Variants in NEDD4L observed in about 807,000 individuals in gnomAD.
NEDD4L encodes the protein E3 ubiquitin-protein ligase NEDD4-like.
NEDD4L carries 54 observed loss-of-function variants against 148.9 expected under a neutral mutation model. The ratio of observed to expected loss-of-function variants is 0.36; its 90% CI spans 0.29 to 0.45. The LOEUF is 0.45. Ranked by LOEUF, NEDD4L falls within the 20% of genes least tolerant of loss-of-function variation. NEDD4L has a pLI of 1.00. For missense variants in NEDD4L, 856 were observed against 1,233.8 expected, an observed-to-expected ratio of 0.69 and a Z score of 4.59; for synonymous variants, 433 against 440.7, an observed-to-expected ratio of 0.98 and a Z score of 0.22.
intron 2 of NEDD4L, among the ~76,000 whole-genome samples, chr18:58,175,386 G>T (rs184357877): frequency 3.3e-5 from 5 of 152,354 alleles, no homozygotes; most frequent in Non-Finnish European, 7.3e-5. Context: ...GGTACAGGCC[G>T]GCATTTGGAC....
intron 2 of NEDD4L, among the ~76,000 whole-genome samples, chr18:58,221,966 C>T (rs952190287): frequency 6.6e-6 from 1 of 152,148 alleles, no homozygotes; most frequent in African/African-American, 2.4e-5. Context: ...GAATGATAGG[C>T]AAAGAATGAG....
chr18:58,367,534 T>A (rs527557083), intron 21 of NEDD4L, among the ~76,000 whole-genome samples: 26 of 152,232 alleles, frequency 1.7e-4, no homozygotes, highest in African/African-American at 6.3e-4. Context: ...TCTCTTATGG[T>A]TTAATTGACT....
intron 1 of NEDD4L, among the ~76,000 whole-genome samples, chr18:58,144,809 C>G (rs897446832): frequency 3.3e-5 from 5 of 152,232 alleles, no homozygotes; most frequent in African/African-American, 1.2e-4. Flanking sequence ...GTGTGCCTTG[C>G]TACTGCTATG....
chr18:58,214,400 T>G (rs1026970365), intron 2 of NEDD4L, among the ~76,000 whole-genome samples: 2 of 152,160 alleles, frequency 1.3e-5, no homozygotes, highest in Admixed American at 6.5e-5. Flanking sequence ...AAGAGAGAGA[T>G]AGAAATGTAC....
chr18:58,078,281 T>C (rs2083271461), intron 1 of NEDD4L, among the ~76,000 whole-genome samples: 1 of 152,188 alleles, frequency 6.6e-6, no homozygotes, highest in African/African-American at 2.4e-5. Context: ...TTGAGTGAAT[T>C]TACTTGAAAA....
chr18:58,211,698 C>A (rs769587812), intron 2 of NEDD4L, among the ~76,000 whole-genome samples: 1 of 152,058 alleles, frequency 6.6e-6, no homozygotes, highest in Non-Finnish European at 1.5e-5. Context: ...AAAAGAAAAC[C>A]GGTGAGGGCA....
At chr18:58,167,960 T>G (rs1171454158) in intron 2 of NEDD4L, among the ~76,000 whole-genome samples, 1 of 152,156 alleles carries the variant, frequency 6.6e-6, no homozygotes, top group Non-Finnish European at 1.5e-5. Context: ...TCTAAGCCAG[T>G]TAAGTAGATT....
chr18:58,310,381 C>T (rs2057546459), intron 5 of NEDD4L, among the ~76,000 whole-genome samples: 1 of 152,114 alleles, frequency 6.6e-6, no homozygotes, highest in South Asian at 2.1e-4. Context: ...GTGTGTTTAC[C>T]AAAAAGTACT....
rs189251018 is a variant in NEDD4L at position 58,057,604 on chromosome 18, G to T, written c.48+12896G>T. ...GGGCTTCAGGATTGGTTGTCTTGGG[G>T]TTGAATAGCCACAGGCTTGTTCCAG... On this transcript the variant is annotated intron_variant, in intron 1 of 30. Transcript: ENST00000400345. Among the ~76,000 whole-genome samples, 884 of 152,236 alleles carry T rather than the reference G, an allele frequency of 5.8e-3. 8 individuals carry two copies. Among genetic ancestry groups the T allele is most frequent in the Non-Finnish European group, 9.6e-3 (650 of 68,028 alleles).
chr18:58,128,349 G>C (rs2031505808), intron 1 of NEDD4L, among the ~76,000 whole-genome samples: 1 of 152,116 alleles, frequency 6.6e-6, no homozygotes, highest in East Asian at 1.9e-4. Flanking sequence ...CTTGTGCCTG[G>C]TTGTAAAGTT....
intron 1 of NEDD4L, among the ~76,000 whole-genome samples, chr18:58,154,301 C>A (rs976116484): frequency 6.6e-6 from 1 of 152,066 alleles, no homozygotes; most frequent in African/African-American, 2.4e-5. Flanking sequence ...GGGTAAAATT[C>A]GATTTCAAAG....
At chr18:58,135,804 C>T (rs137964611) in intron 1 of NEDD4L, among the ~76,000 whole-genome samples, 360 of 152,310 alleles carry the variant, frequency 2.4e-3, no homozygotes, top group Non-Finnish European at 3.8e-3. Flanking sequence ...GGAGGAAAGT[C>T]ACAGCTAGAC....
intron 1 of NEDD4L, among the ~76,000 whole-genome samples, chr18:58,164,719 T>C (rs1399265424): frequency 6.6e-6 from 1 of 152,242 alleles, no homozygotes; most frequent in Non-Finnish European, 1.5e-5. Flanking sequence ...TCCGCCTGCC[T>C]CGGCCTCCCA....
At chr18:58,161,080 G>A (rs12458981) in intron 1 of NEDD4L, among the ~76,000 whole-genome samples, 67,778 of 151,288 alleles carry the variant, frequency 0.45, 15,751 homozygotes, top group Admixed American at 0.54. Flanking sequence ...GCAATGGTGC[G>A]ATCCCGGCTC....
chr18:58,366,311 A>G lies in NEDD4L; in HGVS notation c.2063+83A>G. On this transcript the variant is annotated intron_variant, in intron 21 of 30. Coordinates refer to ENST00000400345, the MANE Select transcript of NEDD4L (RefSeq NM_001144967.3). The surrounding 1 kb of genome is among the most constrained non-coding windows in gnomAD (Gnocchi z 4.2). Reference sequence around the variant, plus strand: ...AACAGAATGAAAGGATAAGCAGCTCATGAGTTCGAGATGCATTAACTCTGC... The same window carrying G: ...AACAGAATGAAAGGATAAGCAGCTCGTGAGTTCGAGATGCATTAACTCTGC... 9.7e-7 allele frequency: 1 copy of G among 1,027,192 alleles called. No homozygotes were observed. Among genetic ancestry groups the G allele is most frequent in the South Asian group, 1.8e-5 (1 of 55,964 alleles). 63.6% of individuals were successfully genotyped at this position (1,027,192 alleles called of 1,614,324 possible). A position where few individuals can be genotyped will look rare whatever the true frequency, so the allele number is the denominator to read the frequency against.
intron 11 of NEDD4L, among the ~76,000 whole-genome samples, chr18:58,331,896 T>G (rs1055141702): frequency 6.6e-6 from 1 of 152,208 alleles, no homozygotes; most frequent in Non-Finnish European, 1.5e-5. Flanking sequence ...ATTACATGAG[T>G]TGCATTTATC....
chr18:58,252,917 T>C (rs773790155), intron 5 of NEDD4L, among the ~76,000 whole-genome samples: 15 of 152,164 alleles, frequency 9.9e-5, no homozygotes, highest in Non-Finnish European at 1.9e-4. Flanking sequence ...CATTTTGCTT[T>C]CTTAACTATC....
At chr18:58,117,581 G>A (rs769445844) in intron 1 of NEDD4L, among the ~76,000 whole-genome samples, 4 of 152,160 alleles carry the variant, frequency 2.6e-5, no homozygotes, top group South Asian at 2.1e-4. Context: ...GGGATTGTTC[G>A]AAATGTAGCA....
At chr18:58,355,000 G>A (rs551403787) in intron 18 of NEDD4L, among the ~76,000 whole-genome samples, 24 of 152,226 alleles carry the variant, frequency 1.6e-4, no homozygotes, top group Admixed American at 6.5e-4. Flanking sequence ...CTAGTGTGCC[G>A]CAGGGGCGCA....
Sources: allele counts gnomAD v4.1 joint callset (sites outside exome capture counted in the v4.1 genomes callset), GRCh38; gene constraint gnomAD v4.1.1; non-coding constraint Gnocchi (gnomAD v3.1); transcripts MANE v1.5; gene names NCBI Gene and HGNC (gene_info 2026-07-23, HGNC 2026-07-21).